Variants in KIF1B observed in about 807,000 individuals in gnomAD.
KIF1B encodes kinesin family member 1B.
KIF1B carries 76 observed loss-of-function variants against 241.9 expected under a neutral mutation model. The ratio of observed to expected loss-of-function variants is 0.31; its 90% CI spans 0.26 to 0.38. The LOEUF (loss-of-function observed/expected upper bound fraction) is 0.38, where lower values mean the gene tolerates loss of function less well. Ranked by LOEUF, KIF1B falls within the 10% of genes least tolerant of loss-of-function variation. The pLI is 1.00. For synonymous variants in KIF1B, 750 were observed against 796.7 expected (o/e 0.94, Z 0.99); for missense variants, 1,622 against 2,271.4 (o/e 0.71, Z 5.81).
intron 1 of KIF1B, among the ~76,000 whole-genome samples, chr1:10,216,952 A>ATTTTT (rs1557641590): frequency 2.7e-5 from 2 of 73,806 alleles, no homozygotes; most frequent in Non-Finnish European, 2.6e-5. Context: ...GTACTTGCCC[A>ATTTTT]TTTTCTTTTT....
rs1491275845 is a variant in KIF1B at position 10,376,866 on chromosome 1, C to CACACAT, written c.*280_*281insCACATA. ...ACACACACACACACACACACACACA[C>CACACAT]ATACACAGACAAAAACACAAAAACT... is the stretch of plus-strand genomic sequence containing the variant. On this transcript the variant is annotated 3_prime_UTR_variant, in exon 49 of 49. Transcript: ENST00000676179. The CACACAT allele has an allele frequency of 5.9e-6, 2 of 339,132 alleles. No individual in the cohort carries two copies. The highest frequency in any genetic ancestry group is 4.8e-5 in the East Asian group (1 of 20,712). 21.0% of individuals were successfully genotyped at this position (339,132 alleles called of 1,614,324 possible).
At chr1:10,372,662 A>G (rs184097020) in intron 45 of KIF1B, among the ~76,000 whole-genome samples, 1 of 113,750 alleles carries the variant, frequency 8.8e-6, no homozygotes, top group African/African-American at 3.5e-5. Flanking sequence ...TGGGTGACAG[A>G]GCTGTCACCC....
intron 34 of KIF1B, among the ~76,000 whole-genome samples, chr1:10,343,796 TAAGAC>T (rs1195839190): frequency 2.0e-5 from 3 of 152,008 alleles, no homozygotes; most frequent in Non-Finnish European, 2.9e-5. Flanking sequence ...AGTAATAAAA[TAAGAC>T]AAGAAGTAAG....
intron 12 of KIF1B, 40 bp downstream of exon 12, chr1:10,276,439 G>A (rs1323639374): frequency 1.5e-6 from 2 of 1,365,730 alleles, no homozygotes; most frequent in East Asian, 2.3e-5. Flanking sequence ...AGACCACATT[G>A]CCATCAGAAG....
intron 33 of KIF1B, 42 bp downstream of exon 33, chr1:10,342,210 G>T (rs755192329): frequency 2.9e-5 from 36 of 1,236,502 alleles, no homozygotes; most frequent in Non-Finnish European, 4.3e-5. Context: ...GTATTGTTTT[G>T]ATTTTTAGTT....
chr1:10,359,239 T>C (rs1376140523), intron 38 of KIF1B, among the ~76,000 whole-genome samples: 3 of 152,160 alleles, frequency 2.0e-5, no homozygotes, highest in Non-Finnish European at 4.4e-5. Context: ...GCAGCCATAG[T>C]GAGGTCACTA....
rs1216866009 is a variant in KIF1B at position 10,381,593 on chromosome 1, G to A, written c.*5006G>A. On this transcript the variant is annotated 3_prime_UTR_variant, in exon 49 of 49. Transcript: ENST00000676179. ...GGTAAAAATAATAAAGGTACAGCCA[G>A]TGCATCAGAAGGTTCTCGATGTGCA... The A allele has an allele frequency of 3.1e-5, 6 of 191,386 alleles. No individual in the cohort carries two copies. Among genetic ancestry groups the A allele is most frequent in the Non-Finnish European group, 6.6e-5 (6 of 91,120 alleles). 11.9% of individuals were successfully genotyped at this position (191,386 alleles called of 1,614,324 possible). A position where few individuals can be genotyped will look rare whatever the true frequency, so the allele number is the denominator to read the frequency against.
At chr1:10,269,592 G>A (rs1648670217) in intron 7 of KIF1B, among the ~76,000 whole-genome samples, 1 of 151,672 alleles carries the variant, frequency 6.6e-6, no homozygotes, top group Non-Finnish European at 1.5e-5. Context: ...GGCTGAGGCG[G>A]GTGGATCACC....
intron 38 of KIF1B, among the ~76,000 whole-genome samples, chr1:10,359,894 G>A (rs1173061482): frequency 6.6e-6 from 1 of 151,892 alleles, no homozygotes; most frequent in East Asian, 1.9e-4. Flanking sequence ...ATTAGCTGGC[G>A]TAGTGGTGCG....
At chr1:10,238,444 C>T (rs1647087379) in intron 2 of KIF1B, among the ~76,000 whole-genome samples, 1 of 150,268 alleles carries the variant, frequency 6.7e-6, no homozygotes, top group Non-Finnish European at 1.5e-5. Context: ...TGACTCATAC[C>T]TGTAATCTCA....
At chr1:10,309,350 G>T (rs1466092388) in intron 22 of KIF1B, among the ~76,000 whole-genome samples, 1 of 152,148 alleles carries the variant, frequency 6.6e-6, no homozygotes, top group Non-Finnish European at 1.5e-5. Flanking sequence ...AAGTTGCAAT[G>T]TCCCTACCGT....
chr1:10,375,806 T>C (rs1182069220), intron 48 of KIF1B, among the ~76,000 whole-genome samples: 1 of 144,960 alleles, frequency 6.9e-6, no homozygotes, highest in Non-Finnish European at 1.5e-5. Flanking sequence ...TTTTTTTTTT[T>C]TTTTGAGATG....
chr1:10,311,490 G>A lies in KIF1B; in HGVS notation c.2116-8553G>A, dbSNP rs139151666. On this transcript the variant is annotated intron_variant, in intron 22 of 48. Coordinates refer to ENST00000676179, the MANE Select transcript of KIF1B (RefSeq NM_001365951.3). ...AGCCTCCCAAAGTGCTGGGATTACG[G>A]GTGTGAGCCACCGCTCCAGGCCCCA... Among the ~76,000 whole-genome samples the A allele has an allele frequency of 8.0e-3, 1,217 of 151,228 alleles. 59 individuals carry two copies. Among genetic ancestry groups the A allele is most frequent in the African/African-American group, 0.029 (1,160 of 40,670 alleles).
chr1:10,356,391 T>C (rs1301131792), intron 38 of KIF1B, among the ~76,000 whole-genome samples: 2 of 151,864 alleles, frequency 1.3e-5, no homozygotes, highest in Non-Finnish European at 1.5e-5. Flanking sequence ...AACATATTTA[T>C]ATATTTGACT....
At chr1:10,317,754 C>G (rs1429451867) in intron 22 of KIF1B, among the ~76,000 whole-genome samples, 1 of 150,562 alleles carries the variant, frequency 6.6e-6, no homozygotes, top group African/African-American at 2.5e-5. Context: ...TCGCTTGAAC[C>G]TGGGAGGCAG....
chr1:10,323,744 A>G (rs1175148261), intron 24 of KIF1B, 140 bp from the exon 25 acceptor site: 12 of 693,448 alleles, frequency 1.7e-5, no homozygotes, highest in Non-Finnish European at 2.5e-5. Flanking sequence ...ACAGGTGGCC[A>G]TATTTTTCAG....
At position 10,256,385 on chromosome 1, in the gene KIF1B, T is replaced by C. The variant is rs1413709109; in HGVS notation, c.183+62T>C. The C allele has an allele frequency of 6.0e-6, 7 of 1,168,020 alleles. No homozygotes were observed. In the Admixed American group the frequency reaches 1.0e-4, roughly 17 times the overall value. 72.4% of individuals were successfully genotyped at this position (1,168,020 alleles called of 1,614,324 possible). The stretch of plus-strand genomic sequence containing the variant: ...CCTCCTTTCCTCTTTCCTTGCCGAT[T>C]TGTCTTTTCTCTTAGCTGAGCAGAT... On this transcript the variant is annotated intron_variant, in intron 3 of 48. Transcript: ENST00000676179.
chr1:10,325,727 G>C (rs138795674), intron 26 of KIF1B, among the ~76,000 whole-genome samples: 2 of 152,168 alleles, frequency 1.3e-5, no homozygotes, highest in African/African-American at 4.8e-5. Context: ...CCAAAATGAC[G>C]TGAGAATTTC....
At chr1:10,277,075 A>C (rs1970379) in intron 12 of KIF1B, among the ~76,000 whole-genome samples, 3 of 149,524 alleles carry the variant, frequency 2.0e-5, no homozygotes, top group African/African-American at 7.4e-5. Flanking sequence ...GCGAGACTCC[A>C]TCTCAAAAAA....
Sources: gnomAD v4.1 joint callset for allele counts (sites outside exome capture counted in the v4.1 genomes callset) on GRCh38, gnomAD v4.1.1 for gene constraint, MANE v1.5 for transcripts, NCBI Gene and HGNC (gene_info 2026-07-23, HGNC 2026-07-21) for gene names.